Variants in TENM4 observed in about 807,000 individuals in gnomAD.
TENM4 encodes the protein teneurin transmembrane protein 4.
A neutral mutation model predicts 243.3 loss-of-function variants in TENM4; 82 were observed. That is an observed-to-expected ratio of 0.34 (90% confidence interval 0.28 to 0.40). TENM4 has a LOEUF of 0.40. Among genes scored for constraint, TENM4 ranks in the 10% least tolerant of loss-of-function variants. The pLI, the probability that TENM4 is intolerant of heterozygous loss-of-function variation, is 1.00. For missense variants in TENM4, 3,138 were observed against 3,673.3 expected, an observed-to-expected ratio of 0.85 and a Z score of 3.77; for synonymous variants, 1,412 against 1,456.3, an observed-to-expected ratio of 0.97 and a Z score of 0.69.
chr11:79,223,786 A>G (rs557696022), intron 2 of TENM4, among the ~76,000 whole-genome samples: 3 of 152,130 alleles, frequency 2.0e-5, no homozygotes, highest in African/African-American at 7.2e-5. Flanking sequence ...ACCCCATCAT[A>G]TTCTGGTGAA....
At chr11:79,086,835 C>CAAAAAA (rs371315703) in intron 4 of TENM4, among the ~76,000 whole-genome samples, 31 of 89,084 alleles carry the variant, frequency 3.5e-4, no homozygotes, top group Non-Finnish European at 5.1e-4. Flanking sequence ...CTCTGTCTCG[C>CAAAAAA]AAAAAAAAAA....
intron 19 of TENM4, chr11:78,749,366 T>A (rs1856129235): frequency 6.6e-6 from 1 of 151,772 alleles, no homozygotes; most frequent in African/African-American, 2.4e-5. Context: ...TCCTTTTTTT[T>A]TTTTTTTAAA....
chr11:79,106,188 T>A (rs1429901149), intron 4 of TENM4, among the ~76,000 whole-genome samples: 1 of 152,178 alleles, frequency 6.6e-6, no homozygotes, highest in Non-Finnish European at 1.5e-5. Flanking sequence ...AGTGAAGAAG[T>A]GGCAAAGGCA....
At chr11:78,659,928 A>G (rs931769970) in intron 33 of TENM4, among the ~76,000 whole-genome samples, 2 of 152,252 alleles carry the variant, frequency 1.3e-5, no homozygotes. Flanking sequence ...CTTTATAATT[A>G]ATAGAACCCT....
At chr11:79,311,459 A>C (rs1274207764) in intron 1 of TENM4, among the ~76,000 whole-genome samples, 1 of 152,186 alleles carries the variant, frequency 6.6e-6, no homozygotes, top group Non-Finnish European at 1.5e-5. Context: ...CATTGAGGGG[A>C]ACAGACACAG....
intron 1 of TENM4, among the ~76,000 whole-genome samples, chr11:79,317,487 G>A (rs1293722423): frequency 6.6e-6 from 1 of 152,098 alleles, no homozygotes; most frequent in Non-Finnish European, 1.5e-5. Flanking sequence ...GATATGATGA[G>A]CAGAGTGGCT....
chr11:79,013,167 G>A (rs1295809914), intron 6 of TENM4, among the ~76,000 whole-genome samples: 1 of 152,158 alleles, frequency 6.6e-6, no homozygotes, highest in Non-Finnish European at 1.5e-5. Flanking sequence ...CATTCAGGGG[G>A]CACGAGAGCT....
At chr11:79,150,378 G>A (rs914933432) in intron 3 of TENM4, among the ~76,000 whole-genome samples, 1 of 152,072 alleles carries the variant, frequency 6.6e-6, no homozygotes, top group East Asian at 1.9e-4. Flanking sequence ...ATCAAAGCAG[G>A]CATGAGTTTA....
intron 10 of TENM4, among the ~76,000 whole-genome samples, chr11:78,860,875 G>A (rs977256433): frequency 6.6e-6 from 1 of 152,072 alleles, no homozygotes; most frequent in African/African-American, 2.4e-5. Context: ...CAATAATCTG[G>A]TGCAATTTTA....
At chr11:78,971,681 A>G (rs967412053) in intron 6 of TENM4, among the ~76,000 whole-genome samples, 5 of 152,176 alleles carry the variant, frequency 3.3e-5, no homozygotes, top group African/African-American at 9.6e-5. Flanking sequence ...AAGCTTTTCA[A>G]TTGAGCAATT....
chr11:79,246,016 TGAGAGAGAAAAA>T (rs1855509850), intron 2 of TENM4, among the ~76,000 whole-genome samples: 1 of 113,282 alleles, frequency 8.8e-6, no homozygotes, highest in Admixed American at 9.0e-5. Context: ...AGAGAGTGAG[TGAGAGAGAAAAA>T]GAGAGAGAGA....
At chr11:78,864,961 C>A (rs1440315870) in intron 9 of TENM4, among the ~76,000 whole-genome samples, 1 of 152,138 alleles carries the variant, frequency 6.6e-6, no homozygotes, top group African/African-American at 2.4e-5. Flanking sequence ...GCTAGAAGAA[C>A]ACAGGGAAGG....
chr11:79,316,199 C>CA (rs1371485341), intron 1 of TENM4, among the ~76,000 whole-genome samples: 2 of 150,378 alleles, frequency 1.3e-5, no homozygotes, highest in Non-Finnish European at 3.0e-5. Context: ...TAGGTTGATA[C>CA]AAAAAAGAGA....
intron 16 of TENM4, among the ~76,000 whole-genome samples, chr11:78,784,021 T>G (rs1244689004): frequency 6.6e-6 from 1 of 152,180 alleles, no homozygotes; most frequent in Non-Finnish European, 1.5e-5. Context: ...ACAGGCCCTC[T>G]TTTTTTGCTT....
chr11:79,058,665 T>C (rs536673992), intron 6 of TENM4, among the ~76,000 whole-genome samples: 1 of 152,244 alleles, frequency 6.6e-6, no homozygotes, highest in South Asian at 2.1e-4. Context: ...CTGCTCCAAA[T>C]CTCTGTGTCC....
intron 4 of TENM4, among the ~76,000 whole-genome samples, chr11:79,079,489 G>T (rs1455894047): frequency 6.6e-6 from 1 of 152,204 alleles, no homozygotes; most frequent in Non-Finnish European, 1.5e-5. Flanking sequence ...CCAAAGTCAC[G>T]TAGGAGCCAA....
intron 4 of TENM4, among the ~76,000 whole-genome samples, chr11:79,109,046 G>GA (rs1271247693): frequency 6.6e-6 from 1 of 152,118 alleles, no homozygotes; most frequent in East Asian, 1.9e-4. Context: ...AGTATGCAGT[G>GA]AGTCACTTTG....
At chr11:78,705,143 C>A (rs1859214021) in intron 27 of TENM4, among the ~76,000 whole-genome samples, 1 of 152,348 alleles carries the variant, frequency 6.6e-6, no homozygotes, top group Admixed American at 6.5e-5. Flanking sequence ...AAACCCACTT[C>A]TTGTCAACTC....
intron 3 of TENM4, among the ~76,000 whole-genome samples, chr11:79,182,932 G>A (rs1161378699): frequency 6.6e-6 from 1 of 152,176 alleles, no homozygotes; most frequent in East Asian, 1.9e-4. Context: ...ATGTGGAGCA[G>A]CAGGAATTTT....
Sources: gnomAD v4.1 joint callset for allele counts (sites outside exome capture counted in the v4.1 genomes callset) on GRCh38, gnomAD v4.1.1 for gene constraint, MANE v1.5 for transcripts, NCBI Gene and HGNC (gene_info 2026-07-23, HGNC 2026-07-21) for gene names.